NOTCH2: variants seen among roughly 807,000 people sequenced by gnomAD.
NOTCH2 encodes the protein neurogenic locus notch homolog protein 2.
Under a neutral mutation model 235.8 loss-of-function variants are expected in NOTCH2, and 29 were observed. The ratio of observed to expected loss-of-function variants is 0.12; its 90% confidence interval spans 0.09 to 0.17. The LOEUF is 0.17. NOTCH2 is among the 10% of genes least tolerant of loss of function. NOTCH2 has a pLI of 1.00. For synonymous variants in NOTCH2, 1,086 were observed against 1,141.5 expected (o/e 0.95, Z 0.98); for missense variants, 2,285 against 3,150.2 (o/e 0.73, Z 6.57).
At chr1:119,945,237 T>C (rs1557815631) in intron 17 of NOTCH2, among the ~76,000 whole-genome samples, 1 of 152,120 alleles carries the variant, frequency 6.6e-6, no homozygotes, top group East Asian at 1.9e-4. Flanking sequence ...TAGATAAAGT[T>C]TTGAAATTTA....
At position 119,941,678 on chromosome 1, in the gene NOTCH2, C is replaced by T. The variant is rs1650068382; in HGVS notation, c.2829G>A (p.Gly943=). Residue 943 remains glycine (G), a synonymous_variant, in exon 18 of 34, where the codon GGG becomes GGA. Transcript: ENST00000256646. ...CATTCATGTCTGTCTGGCACTTATCCCCAGTGAAACCCGGAAGGCAGAGGC... is the reference window on the plus strand; with the variant it reads ...CATTCATGTCTGTCTGGCACTTATCTCCAGTGAAACCCGGAAGGCAGAGGC... ...FSCLCLPGFT[G]DKCQTDMNEC... The T allele has an allele frequency of 6.2e-7, 1 of 1,614,176 alleles. No individual in the cohort carries two copies.
rs376196638 is a variant in NOTCH2 at position 119,937,897 on chromosome 1, G to A, written c.3297C>T (p.Asp1099=). 2.0e-5 allele frequency: 33 copies of A among 1,614,082 alleles called. No individual in the cohort carries two copies. Among genetic ancestry groups the A allele is most frequent in the Middle Eastern group, 1.6e-4 (1 of 6,084 alleles). The part of the protein sequence containing the change: ...CPSGWAGAYC[D]VPNVSCDIAA... ...CTATGTCACAAGAGACATTGGGCAC[G>A]TCACAATAGGCACCAGCCCATCCAG... is the stretch of plus-strand genomic sequence containing the variant. The change falls in exon 20 of 34, where the codon GAC becomes GAT. Residue 1099 remains aspartate (D), a synonymous_variant. Transcript: ENST00000256646.
chr1:119,920,522 C>T (rs1017387978), intron 29 of NOTCH2, 125 bp from the exon 30 acceptor site: 10 of 1,064,678 alleles, frequency 9.4e-6, no homozygotes, highest in Non-Finnish European at 1.4e-5. Flanking sequence ...TACTCCTCCA[C>T]CCCTCCAGAG....
chr1:119,966,293 A>ACACAT lies in NOTCH2; in HGVS notation c.1567+78_1567+82dup. ...AATGATTTCCTCATGCACAGCCCAC[A>ACACAT]CACATTCTCTCCCTGCTCTCTTCCC... On this transcript the variant is annotated intron_variant, in intron 9 of 33. Coordinates refer to ENST00000256646, the MANE Select transcript of NOTCH2 (RefSeq NM_024408.4). The ACACAT allele has an allele frequency of 5.6e-6, 5 of 900,376 alleles. No homozygotes were observed. In the Admixed American group the frequency reaches 8.5e-5, roughly 15 times the overall value. 55.8% of individuals were successfully genotyped at this position (900,376 alleles called of 1,614,324 possible).
intron 1 of NOTCH2, among the ~76,000 whole-genome samples, chr1:120,043,206 A>G (rs1654652499): frequency 1.4e-5 from 2 of 147,088 alleles, no homozygotes; most frequent in South Asian, 2.2e-4. Context: ...CAAGTCTACA[A>G]AGCATTCTAT....
chr1:119,999,927 G>T (rs1368599043), intron 3 of NOTCH2, among the ~76,000 whole-genome samples: 4 of 79,474 alleles, frequency 5.0e-5, no homozygotes, highest in South Asian at 5.4e-4. Context: ...GAGAAAGAAA[G>T]AAAGAAAGAA....
chr1:120,014,308 T>C (rs779288055), intron 2 of NOTCH2, among the ~76,000 whole-genome samples: 206 of 152,042 alleles, frequency 1.4e-3, no homozygotes, highest in Non-Finnish European at 2.6e-3. Flanking sequence ...CTCACACCTG[T>C]AATCCCAGCA....
intron 22 of NOTCH2, among the ~76,000 whole-genome samples, chr1:119,933,356 T>C (rs1221281571): frequency 6.6e-6 from 1 of 152,176 alleles, no homozygotes; most frequent in African/African-American, 2.4e-5. Flanking sequence ...CTGGAATGTT[T>C]ACCAATGGCC....
intron 17 of NOTCH2, among the ~76,000 whole-genome samples, chr1:119,943,871 G>GT (rs1480633099): frequency 1.3e-5 from 2 of 151,886 alleles, no homozygotes; most frequent in Non-Finnish European, 2.9e-5. Flanking sequence ...AAAGAGGGAG[G>GT]TAACGTTAAA....
At chr1:120,048,443 C>A (rs1482947811) in intron 1 of NOTCH2, among the ~76,000 whole-genome samples, 1 of 117,812 alleles carries the variant, frequency 8.5e-6, no homozygotes, top group Non-Finnish European at 1.6e-5. Flanking sequence ...GGCCCAATAC[C>A]ACTTTTTTTT....
intron 2 of NOTCH2, among the ~76,000 whole-genome samples, chr1:120,029,567 T>C (rs1474133597): frequency 6.6e-6 from 1 of 152,000 alleles, no homozygotes; most frequent in African/African-American, 2.4e-5. Flanking sequence ...GCCAGGCTGA[T>C]CTTGAACTCC....
intron 5 of NOTCH2, among the ~76,000 whole-genome samples, chr1:119,973,017 T>G (rs1412244605): frequency 6.6e-6 from 1 of 152,158 alleles, no homozygotes; most frequent in Non-Finnish European, 1.5e-5. Context: ...TTAGGTACAG[T>G]CCACTGATTT....
chr1:119,989,409 T>C (rs2101190324), intron 4 of NOTCH2, among the ~76,000 whole-genome samples: 2 of 151,616 alleles, frequency 1.3e-5, no homozygotes, highest in East Asian at 1.9e-4. Context: ...ATCTTTGTAA[T>C]GTGGGATAAG....
intron 6 of NOTCH2, among the ~76,000 whole-genome samples, chr1:119,969,003 G>A (rs587631103): frequency 6.6e-6 from 1 of 152,346 alleles, no homozygotes; most frequent in Non-Finnish European, 1.5e-5. Context: ...CCTAGAACTA[G>A]TAGTTGTTAA....
intron 19 of NOTCH2, 25 bp downstream of exon 19, chr1:119,940,530 A>G: frequency 6.2e-7 from 1 of 1,604,266 alleles, no homozygotes; most frequent in Non-Finnish European, 8.5e-7. Flanking sequence ...AGGGGAGCTG[A>G]GTGAATGGGA....
chr1:119,963,176 T>A (rs56216048), intron 11 of NOTCH2, among the ~76,000 whole-genome samples: 35,582 of 66,226 alleles, frequency 0.54, 7,428 homozygotes, highest in African/African-American at 0.67. Context: ...AGAAGGAAGG[T>A]AGGTAGGAAG....
At chr1:119,968,483 T>C (rs1553199984) in intron 6 of NOTCH2, among the ~76,000 whole-genome samples, 1 of 152,182 alleles carries the variant, frequency 6.6e-6, no homozygotes. Flanking sequence ...CAGAGACATC[T>C]ACAGGCCAGA....
At chr1:120,065,529 G>A (rs1304683687) in intron 1 of NOTCH2, among the ~76,000 whole-genome samples, 1 of 152,220 alleles carries the variant, frequency 6.6e-6, no homozygotes, top group African/African-American at 2.4e-5. Flanking sequence ...GACACCAGAA[G>A]AAAGGAATTC....
intron 17 of NOTCH2, among the ~76,000 whole-genome samples, 191 bp downstream of exon 17, chr1:119,948,223 T>C (rs1650331008): frequency 6.6e-6 from 1 of 152,222 alleles, no homozygotes; most frequent in African/African-American, 2.4e-5. Flanking sequence ...TTAAAATATA[T>C]TCCACTGCCT....
Sources: allele counts gnomAD v4.1 joint callset (sites outside exome capture counted in the v4.1 genomes callset), GRCh38; gene constraint gnomAD v4.1.1; transcripts MANE v1.5; gene names NCBI Gene and HGNC (gene_info 2026-07-23, HGNC 2026-07-21).